MPP7: variants seen among roughly 807,000 people sequenced by gnomAD.
MPP7 encodes MAGUK p55 subfamily member 7.
Under a neutral mutation model 76.5 loss-of-function variants are expected in MPP7, and 60 were observed. The observed-to-expected ratio is 0.78, with a 90% CI of 0.64 to 0.97. The LOEUF is 0.97. Among genes scored for constraint, MPP7 ranks in the 50% least tolerant of loss-of-function variants. The probability of loss-of-function intolerance (pLI) is 0.00; values close to 1 mark genes in which losing one functional copy is unlikely to be tolerated. For missense variants in MPP7, 641 were observed against 694.0 expected, an observed-to-expected ratio of 0.92 and a Z score of 0.86; for synonymous variants, 237 against 244.5, an observed-to-expected ratio of 0.97 and a Z score of 0.29.
At chr10:28,320,397 T>TC (rs1467744591) in intron 2 of MPP7, among the ~76,000 whole-genome samples, 3 of 107,658 alleles carry the variant, frequency 2.8e-5, no homozygotes, top group Non-Finnish European at 5.8e-5. Context: ...CAATAGAAGT[T>TC]ACTGAAGATT....
chr10:28,160,113 G>GAAA (rs59503220), intron 3 of MPP7, among the ~76,000 whole-genome samples: 1 of 142,740 alleles, frequency 7.0e-6, no homozygotes, highest in African/African-American at 2.6e-5. Flanking sequence ...TTGATCATTA[G>GAAA]AAAAAAAAAA....
chr10:28,152,991 T>A (rs1001957272), intron 3 of MPP7, among the ~76,000 whole-genome samples: 1 of 152,154 alleles, frequency 6.6e-6, no homozygotes, highest in Non-Finnish European at 1.5e-5. Flanking sequence ...TGGTGGCTCA[T>A]GCCTATAATC....
intron 12 of MPP7, among the ~76,000 whole-genome samples, chr10:28,079,615 C>T (rs1055193715): frequency 1.3e-5 from 2 of 152,130 alleles, no homozygotes; most frequent in African/African-American, 4.8e-5. Flanking sequence ...ATTTGAAATA[C>T]CAGGTATAAT....
Position 28,202,200 on chromosome 10 carries a change from A to C in MPP7, c.109T>G (p.Phe37Val), listed in dbSNP as rs977571381. ...TTTTCACCAAACATATCCCAGAGGAAGGTCAGGTCTTCCTGGCTATCCACA... is the reference window on the plus strand; with the variant it reads ...TTTTCACCAAACATATCCCAGAGGACGGTCAGGTCTTCCTGGCTATCCACA... ...PHVDSQEDLTFLWDMFGEKSL... is the reference protein window; with the variant it reads ...PHVDSQEDLTVLWDMFGEKSL... Residue 37 changes from phenylalanine to valine, a missense_variant, in exon 3 of 17, where the codon TTC (phenylalanine) becomes GTC (valine). Physicochemically the swap from Phe to Val is conservative, Grantham distance 50. Coordinates refer to ENST00000683449, the MANE Select transcript of MPP7 (RefSeq NM_001318170.2). 6.2e-7 allele frequency: 1 copy of C among 1,613,854 alleles called. No individual in the cohort carries two copies. The highest frequency in any genetic ancestry group is 8.5e-7 in the Non-Finnish European group (1 of 1,179,768).
At position 28,202,272 on chromosome 10, in the gene MPP7, CTA is replaced by C; in HGVS notation, c.38-3_38-2del. ...AGAGCAGCCAACAGCTCATACAGAC[CTA>C]TAAAATGAAAATAAAACACAAAGTG... On this transcript the variant is annotated splice_acceptor_variant and splice_polypyrimidine_tract_variant and intron_variant, in intron 2 of 16. Transcript: ENST00000683449. LOFTEE classifies it high-confidence loss of function. The C allele has an allele frequency of 1.3e-6, 2 of 1,598,772 alleles. No individual in the cohort carries two copies. Among genetic ancestry groups the C allele is most frequent in the Non-Finnish European group, 1.7e-6 (2 of 1,169,346 alleles).
chr10:28,122,042 GTTGA>G (rs1210759412), intron 8 of MPP7, among the ~76,000 whole-genome samples: 1 of 152,102 alleles, frequency 6.6e-6, no homozygotes, highest in African/African-American at 2.4e-5. Flanking sequence ...TTTATAAAGG[GTTGA>G]TTTATTTCAA....
chr10:28,185,556 T>C (rs896604488), intron 3 of MPP7, among the ~76,000 whole-genome samples: 1 of 152,192 alleles, frequency 6.6e-6, no homozygotes, highest in Non-Finnish European at 1.5e-5. Context: ...GAAGGAATCA[T>C]GGAAGTCGTT....
Position 28,056,596 on chromosome 10 carries a change from A to T in MPP7, c.1435T>A (p.Phe479Ile). ...TTTATAAATATCACATAGGGCTTAAATTCTAGTGTCCTTAAATGCTTCACT... is the reference window on the plus strand; with the variant it reads ...TTTATAAATATCACATAGGGCTTAATTTCTAGTGTCCTTAAATGCTTCACT... ...HTVKHLRTLE[F>I]KPYVIFIKPP... is the part of the protein sequence containing the mutation. Residue 479 changes from phenylalanine (F) to isoleucine (I), a missense_variant, in exon 16 of 17, where the codon TTT becomes ATT. Physicochemically the swap from Phe to Ile is conservative, Grantham distance 21. Coordinates refer to ENST00000683449, the MANE Select transcript of MPP7 (RefSeq NM_001318170.2). The T allele has an allele frequency of 6.2e-7, 1 of 1,603,470 alleles. No homozygotes were observed. The highest frequency in any genetic ancestry group is 8.5e-7 in the Non-Finnish European group (1 of 1,177,672).
chr10:28,099,890 CTTCA>C (rs1853741546), intron 11 of MPP7, among the ~76,000 whole-genome samples: 1 of 151,844 alleles, frequency 6.6e-6, no homozygotes, highest in Non-Finnish European at 1.5e-5. Flanking sequence ...TAGAAAACTG[CTTCA>C]TTTTTTCAAC....
intron 1 of MPP7, among the ~76,000 whole-genome samples, chr10:28,273,064 A>T (rs1440420055): frequency 6.6e-6 from 1 of 152,054 alleles, no homozygotes; most frequent in African/African-American, 2.4e-5. Context: ...TTACAGGCAC[A>T]CACCACCACA....
intron 12 of MPP7, among the ~76,000 whole-genome samples, chr10:28,084,441 A>G (rs1450936867): frequency 6.6e-6 from 1 of 152,216 alleles, no homozygotes. Flanking sequence ...GCCAGCAGCA[A>G]CAGCATCATC....
intron 2 of MPP7, among the ~76,000 whole-genome samples, chr10:28,311,779 C>A (rs1030984415): frequency 2.6e-5 from 4 of 152,100 alleles, no homozygotes; most frequent in Admixed American, 2.0e-4. Context: ...CACACACACA[C>A]ACACACAAAC....
intron 1 of MPP7, among the ~76,000 whole-genome samples, chr10:28,251,175 A>G (rs761439076): frequency 4.6e-5 from 7 of 152,206 alleles, no homozygotes; most frequent in African/African-American, 7.2e-5. Flanking sequence ...AGAATACATC[A>G]AAATTCTGGT....
At chr10:28,059,832 T>G in intron 13 of MPP7, 89 bp from the exon 14 acceptor site, 1 of 860,032 alleles carries the variant, frequency 1.2e-6, no homozygotes, top group Non-Finnish European at 1.9e-6. Context: ...ATTTAATTAG[T>G]TTTTTCAACA....
At chr10:28,330,935 AC>A (rs1834465248) in intron 1 of MPP7, among the ~76,000 whole-genome samples, 1 of 152,170 alleles carries the variant, frequency 6.6e-6, no homozygotes, top group Non-Finnish European at 1.5e-5. Context: ...TGCCAGTATT[AC>A]AGGTGTTAGC....
At chr10:28,089,871 G>T in intron 11 of MPP7, 30 bp from the exon 12 acceptor site, 8 of 1,173,122 alleles carry the variant, frequency 6.8e-6, no homozygotes, top group East Asian at 2.6e-5. Flanking sequence ...TATATTTTTA[G>T]TAACATCAAC....
chr10:28,257,651 C>T (rs563809035), intron 1 of MPP7, among the ~76,000 whole-genome samples: 2 of 148,202 alleles, frequency 1.3e-5, no homozygotes, highest in South Asian at 4.4e-4. Flanking sequence ...TGCTAGATGA[C>T]GAGTTAGTGG....
chr10:28,295,532 C>T (rs941329361), intron 1 of MPP7, among the ~76,000 whole-genome samples: 2 of 151,564 alleles, frequency 1.3e-5, no homozygotes, highest in African/African-American at 4.8e-5. Context: ...TACAACATGA[C>T]TTCAACAGTC....
chr10:28,259,213 C>A (rs572644531), intron 1 of MPP7, among the ~76,000 whole-genome samples: 6 of 152,264 alleles, frequency 3.9e-5, no homozygotes, highest in African/African-American at 1.4e-4. Flanking sequence ...ACATACAAAA[C>A]TACTTTTTTA....
Sources: allele counts gnomAD v4.1 joint callset (sites outside exome capture counted in the v4.1 genomes callset), GRCh38; gene constraint gnomAD v4.1.1; transcripts MANE v1.5; gene names NCBI Gene and HGNC (gene_info 2026-07-23, HGNC 2026-07-21).